The following TTC3 variants were observed in gnomAD, a reference collection of about 807,000 sequenced individuals.
TTC3 encodes E3 ubiquitin-protein ligase TTC3.
A neutral mutation model predicts 249.6 loss-of-function variants in TTC3; 180 were observed. The observed-to-expected ratio is 0.72, with a 90% CI of 0.64 to 0.82. TTC3 has a LOEUF of 0.82. Ranked by LOEUF, TTC3 falls within the 40% of genes least tolerant of loss-of-function variation. The pLI is 0.00. For synonymous variants in TTC3, 717 were observed against 805.0 expected (o/e 0.89, Z 1.85); for missense variants, 2,061 against 2,398.4 (o/e 0.86, Z 2.94).
At position 37,192,095 on chromosome 21, in the gene TTC3, TTACTTTC is replaced by T; in HGVS notation, c.5116-12_5116-6del. On this transcript the variant is annotated splice_polypyrimidine_tract_variant and intron_variant, in intron 40 of 45. Coordinates refer to ENST00000355666, the Ensembl canonical transcript of TTC3. ...TTGACAATTGTGGTTTTCCCACACT[TTACTTTC>T]TACTCACAGTCTCAGTTTGAAGAAC... 6.5e-7 allele frequency: 1 copy of T among 1,528,982 alleles called. No individual in the cohort carries two copies. 94.7% of individuals were successfully genotyped at this position (1,528,982 alleles called of 1,614,324 possible). A position where few individuals can be genotyped will look rare whatever the true frequency, so the allele number is the denominator to read the frequency against.
chr21:37,161,843 TC>T, intron 30 of TTC3, 146 bp from the exon 31 acceptor site: 4 of 489,266 alleles, frequency 8.2e-6, no homozygotes, highest in Non-Finnish European at 1.5e-5. Flanking sequence ...TACTATGTGT[TC>T]CTGTTTATAA....
At chr21:37,088,091 C>A in intron 3 of TTC3, 105 bp from the exon 4 acceptor site, 1 of 1,071,254 alleles carries the variant, frequency 9.3e-7, no homozygotes. Flanking sequence ...TTCATTCATT[C>A]ATTTCTTCCC....
downstream of TTC3, chr21:37,203,111 C>G (rs2085633167): frequency 6.6e-6 from 1 of 152,250 alleles, no homozygotes; most frequent in African/African-American, 2.4e-5. Flanking sequence ...ATGAGAAGTT[C>G]ACTGTCACTC....
chr21:37,135,478 A>G, exon 18 of TTC3: 1 of 1,614,064 alleles, frequency 6.2e-7, no homozygotes, highest in Non-Finnish European at 8.5e-7. Flanking sequence ...AGGCCTTTAC[A>G]GAGTTGCTGA....
At chr21:37,171,054 A>G (rs951947471) in intron 34 of TTC3, among the ~76,000 whole-genome samples, 6 of 152,156 alleles carry the variant, frequency 3.9e-5, no homozygotes, top group African/African-American at 1.4e-4. Context: ...CATTTTATTA[A>G]TGTGTGATCA....
chr21:37,165,345 C>A (rs551637548), intron 32 of TTC3, among the ~76,000 whole-genome samples: 47 of 152,146 alleles, frequency 3.1e-4, no homozygotes, highest in Admixed American at 9.2e-4. Flanking sequence ...TTTAAATGAT[C>A]ATTTTCTAGG....
intron 19 of TTC3, among the ~76,000 whole-genome samples, chr21:37,139,597 A>G (rs2078249707): frequency 6.6e-6 from 1 of 152,108 alleles, no homozygotes; most frequent in Admixed American, 6.6e-5. Context: ...AGTGCCCAAG[A>G]TTCATTTTCC....
Position 37,117,516 on chromosome 21 carries a change from T to TA in TTC3, c.901-4301_901-4300insA, listed in dbSNP as rs1601561356. Among the ~76,000 whole-genome samples, 9 of 152,196 alleles carry TA rather than the reference T, an allele frequency of 5.9e-5. No homozygotes were observed. The East Asian group carries it at 1.7e-3, about 29-fold the overall frequency. On this transcript the variant is annotated intron_variant, in intron 11 of 45. Coordinates refer to ENST00000355666, the Ensembl canonical transcript of TTC3. ...GAATGAATGATAGAATTCCAAATAC[T>TA]GAAACCCAAACCATGATACTGGTTT... is the stretch of plus-strand genomic sequence containing the variant.
At chr21:37,116,725 T>G (rs1375519321) in intron 11 of TTC3, among the ~76,000 whole-genome samples, 1 of 152,130 alleles carries the variant, frequency 6.6e-6, no homozygotes, top group African/African-American at 2.4e-5. Context: ...GAGAATCACT[T>G]GAACCCAGGA....
intron 11 of TTC3, among the ~76,000 whole-genome samples, chr21:37,112,001 G>A (rs1281319553): frequency 6.6e-6 from 1 of 151,746 alleles, no homozygotes; most frequent in Admixed American, 6.6e-5. Flanking sequence ...TGAAACCAAC[G>A]AGAACAAAGA....
In TTC3 at chr21:37,138,792, C is replaced by T; in HGVS notation, c.1659+78C>T. 5 of 1,002,936 alleles carry T rather than the reference C, an allele frequency of 5.0e-6. No homozygotes were observed. The South Asian group carries it at 5.4e-5, about 11-fold the overall frequency. 62.1% of individuals were successfully genotyped at this position (1,002,936 alleles called of 1,614,324 possible). ...ATAAAAATTATTTTCTCATTTTTAC[C>T]CATTTTCTTCTCTGTACCTTCTGAT... On this transcript the variant is annotated intron_variant, in intron 19 of 45. Coordinates refer to ENST00000355666, the Ensembl canonical transcript of TTC3.
intron 9 of TTC3, among the ~76,000 whole-genome samples, chr21:37,095,867 C>T (rs2073888648): frequency 6.6e-6 from 1 of 152,214 alleles, no homozygotes; most frequent in African/African-American, 2.4e-5. Flanking sequence ...AGAATGCATA[C>T]ATGCTCTCTA....
At chr21:37,197,670 A>G (rs777537424) in exon 43 of TTC3, 5 of 1,611,290 alleles carry the variant, frequency 3.1e-6, no homozygotes, top group Admixed American at 3.3e-5. Context: ...GACAGAACAC[A>G]TTCTAGATGA....
chr21:37,119,167 G>A (rs2076391481), intron 11 of TTC3, among the ~76,000 whole-genome samples: 1 of 152,102 alleles, frequency 6.6e-6, no homozygotes, highest in East Asian at 1.9e-4. Context: ...TTTGTTTTGG[G>A]ATGCAGTAAA....
intron 26 of TTC3, among the ~76,000 whole-genome samples, chr21:37,152,536 G>A (rs1294533465): frequency 1.3e-5 from 2 of 151,834 alleles, no homozygotes; most frequent in South Asian, 2.1e-4. Flanking sequence ...ACAGGTGCCC[G>A]CCACCATGCC....
intron 14 of TTC3, 144 bp from the exon 15 acceptor site, chr21:37,125,936 A>G (rs2077006485): frequency 1.6e-6 from 1 of 641,888 alleles, no homozygotes; most frequent in Non-Finnish European, 2.6e-6. Context: ...TTGTTTATAC[A>G]TTTAGGCTTA....
exon 35 of TTC3, chr21:37,172,627 A>G (rs139195943): frequency 6.2e-7 from 1 of 1,613,460 alleles, no homozygotes. Flanking sequence ...AGGAGCACCA[A>G]GTATTACAAG....
intron 11 of TTC3, among the ~76,000 whole-genome samples, chr21:37,120,468 T>G (rs1342137185): frequency 6.6e-6 from 1 of 152,234 alleles, no homozygotes; most frequent in African/African-American, 2.4e-5. Flanking sequence ...TCTATCATTA[T>G]TTCTTATGCT....
intron 27 of TTC3, among the ~76,000 whole-genome samples, chr21:37,155,766 T>C (rs369270332): frequency 2.0e-4 from 30 of 152,318 alleles, no homozygotes; most frequent in African/African-American, 6.3e-4. Flanking sequence ...GTCACCTGTT[T>C]TCTAATTTGG....
Sources: gnomAD v4.1 joint callset for allele counts (sites outside exome capture counted in the v4.1 genomes callset) on GRCh38, gnomAD v4.1.1 for gene constraint, MANE v1.5 for transcripts, NCBI Gene and HGNC (gene_info 2026-07-23, HGNC 2026-07-21) for gene names.